Variants in XIRP2 observed in about 807,000 individuals in gnomAD.
The protein encoded by XIRP2 is xin actin binding repeat containing 2.
A neutral mutation model predicts 277.0 loss-of-function variants in XIRP2; 236 were observed. The observed-to-expected ratio is 0.85, with a 90% CI of 0.77 to 0.95. The LOEUF is 0.95. Among genes scored for constraint, XIRP2 ranks in the 40% least tolerant of loss-of-function variants. XIRP2 has a pLI of 0.00. For synonymous variants in XIRP2, 1,490 were observed against 1,416.5 expected (o/e 1.05, Z -1.17); for missense variants, 4,640 against 4,157.5 (o/e 1.12, Z -3.19).
rs570767401 is a variant in XIRP2 at position 167,003,600 on chromosome 2, A to G, written c.408+99710A>G. On this transcript the variant is annotated intron_variant, in intron 2 of 10. Transcript: ENST00000409195. ...GCATGTAACTCAGTATGGTTGGGGT[A>G]TTTATTATGAGTGAAAATATTTTTG... 3.3e-4 allele frequency among the ~76,000 whole-genome samples: 50 copies of G among 151,984 alleles called. 2 individuals are homozygous for G. The highest frequency in any genetic ancestry group is 6.8e-3 in the Middle Eastern group (2 of 294).
intron 2 of XIRP2, among the ~76,000 whole-genome samples, chr2:166,950,050 G>A (rs1685986739): frequency 6.6e-6 from 1 of 151,980 alleles, no homozygotes; most frequent in Non-Finnish European, 1.5e-5. Context: ...TATGTCATCA[G>A]TATAAATAGT....
chr2:166,970,524 G>C (rs1193363748), intron 2 of XIRP2, among the ~76,000 whole-genome samples: 1 of 151,932 alleles, frequency 6.6e-6, no homozygotes, highest in African/African-American at 2.4e-5. Flanking sequence ...AGAATGGACA[G>C]TGTATCTGAT....
chr2:167,107,409 G>A (rs1343137381), intron 2 of XIRP2, among the ~76,000 whole-genome samples: 1 of 151,552 alleles, frequency 6.6e-6, no homozygotes, highest in Non-Finnish European at 1.5e-5. Flanking sequence ...TTTTAATCAT[G>A]GATTAGTGCT....
chr2:166,939,316 G>C (rs1685622049), intron 2 of XIRP2, among the ~76,000 whole-genome samples: 1 of 152,068 alleles, frequency 6.6e-6, no homozygotes, highest in Non-Finnish European at 1.5e-5. Flanking sequence ...GCATTTGCTT[G>C]TCTGTAAAGT....
chr2:167,090,945 C>T (rs1451811595), intron 2 of XIRP2, among the ~76,000 whole-genome samples: 1 of 152,030 alleles, frequency 6.6e-6, no homozygotes, highest in Non-Finnish European at 1.5e-5. Flanking sequence ...TTGGTGAGGA[C>T]AAACAGACCA....
chr2:167,258,930 C>G lies in XIRP2; in HGVS notation c.*1113C>G. The G allele has an allele frequency of 6.2e-7, 1 of 1,613,110 alleles. No homozygotes were observed. The highest frequency in any genetic ancestry group is 8.5e-7 in the Non-Finnish European group (1 of 1,179,584). On this transcript the variant is annotated 3_prime_UTR_variant, in exon 11 of 11. Transcript: ENST00000409195. ...GCAGCTGCTGGCAGTCCTGTGCAGC[C>G]TGCTCCAAAACCAAGCCTCAGCAGA...
chr2:167,185,922 A>G (rs1693140963), intron 3 of XIRP2, among the ~76,000 whole-genome samples: 2 of 152,188 alleles, frequency 1.3e-5, no homozygotes, highest in South Asian at 4.1e-4. Context: ...TAGACAACTT[A>G]TGAAACTTGC....
At chr2:167,212,924 C>A (rs1355236610) in intron 4 of XIRP2, among the ~76,000 whole-genome samples, 1 of 130,280 alleles carries the variant, frequency 7.7e-6, no homozygotes, top group Non-Finnish European at 1.6e-5. Context: ...CACACACACA[C>A]ACACACACCA....
Position 167,246,860 on chromosome 2 carries a change from AG to A in XIRP2, c.5469del (p.Glu1823AspfsTer15), listed in dbSNP as rs1175719718. ...AACACAGTTAAGGTTTTTATGACCG[AG>A]CCTCAGAGTACATTTGGTAAGATAC... ...VHNTVKVFMT[E>X]PQSTFGKIPK... On this transcript the variant is annotated frameshift_variant, in exon 9 of 11. Transcript: ENST00000409195. LOFTEE classifies it high-confidence loss of function. The A allele has an allele frequency of 4.3e-6, 7 of 1,613,880 alleles. No homozygotes were observed. In the East Asian group the frequency reaches 1.6e-4, roughly 36 times the overall value.
At chr2:167,214,243 AGGAAGGAAGGAAGGAAAG>A (rs1427385010) in intron 4 of XIRP2, among the ~76,000 whole-genome samples, 15 of 99,226 alleles carry the variant, frequency 1.5e-4, no homozygotes, top group Non-Finnish European at 2.9e-4. Flanking sequence ...GAAGGAAGGA[AGGAAGGAAGGAAGGAAAG>A]AGAGAGAGAG....
chr2:166,939,679 C>CAAAAAAAAAAAAAAAAAAAAAAAAAA (rs138977006), intron 2 of XIRP2, among the ~76,000 whole-genome samples: 8 of 90,628 alleles, frequency 8.8e-5, no homozygotes, highest in African/African-American at 2.0e-4. Context: ...GACTCCATCA[C>CAAAAAAAAAAAAAAAAAAAAAAAAAA]AAAAAAAAAA....
intron 2 of XIRP2, among the ~76,000 whole-genome samples, chr2:167,018,587 A>C (rs1430391272): frequency 6.6e-6 from 1 of 151,992 alleles, no homozygotes; most frequent in African/African-American, 2.4e-5. Context: ...GACATAGAAG[A>C]GTCCCACATC....
At chr2:167,078,663 T>G (rs930834190) in intron 2 of XIRP2, among the ~76,000 whole-genome samples, 1 of 151,842 alleles carries the variant, frequency 6.6e-6, no homozygotes, top group East Asian at 1.9e-4. Context: ...GGTGAAACCC[T>G]GTCTCTACTA....
At position 167,243,793 on chromosome 2, in the gene XIRP2, G is replaced by A. The variant is rs771816932; in HGVS notation, c.2401G>A (p.Val801Ile). ...VVRGISMEEN[V>I]KGGVSKAKWL... is the part of the protein sequence containing the mutation. ...CCGAGGAATATCCATGGAAGAAAATGTCAAAGGTGGGGTGAGTAAGGCAAA... is the reference window on the plus strand; with the variant it reads ...CCGAGGAATATCCATGGAAGAAAATATCAAAGGTGGGGTGAGTAAGGCAAA... Residue 801 changes from valine (V) to isoleucine (I), a missense_variant, in exon 9 of 11, where the codon GTC (valine) becomes ATC (isoleucine). Transcript: ENST00000409195. 2.5e-6 allele frequency: 4 copies of A among 1,613,952 alleles called. No individual in the cohort carries two copies. The highest frequency in any genetic ancestry group is 3.4e-6 in the Non-Finnish European group (4 of 1,179,976).
chr2:167,214,437 G>A (rs967835555), intron 4 of XIRP2, among the ~76,000 whole-genome samples: 24 of 145,688 alleles, frequency 1.6e-4, no homozygotes, highest in Non-Finnish European at 3.0e-4. Context: ...AGATCGTGCT[G>A]CTGCACTCCA....
intron 4 of XIRP2, among the ~76,000 whole-genome samples, chr2:167,213,167 C>T (rs1451958601): frequency 6.6e-6 from 1 of 152,052 alleles, no homozygotes; most frequent in African/African-American, 2.4e-5. Flanking sequence ...TCTATAGAAG[C>T]CCCCTAAAAG....
intron 2 of XIRP2, among the ~76,000 whole-genome samples, chr2:166,945,579 G>A (rs947746648): frequency 2.0e-5 from 3 of 151,454 alleles, no homozygotes; most frequent in Non-Finnish European, 2.9e-5. Context: ...AATAGATTTG[G>A]TATAAGAGGA....
chr2:167,079,909 A>AT (rs1689681918), intron 2 of XIRP2, among the ~76,000 whole-genome samples: 1 of 148,512 alleles, frequency 6.7e-6, no homozygotes, highest in Non-Finnish European at 1.5e-5. Flanking sequence ...TTTGGTTTTC[A>AT]TTTTTGTTTT....
At chr2:167,236,403 C>G (rs1306706458) in intron 5 of XIRP2, among the ~76,000 whole-genome samples, 1 of 151,940 alleles carries the variant, frequency 6.6e-6, no homozygotes, top group Non-Finnish European at 1.5e-5. Flanking sequence ...GGAGAAATCT[C>G]CTTAGAAGAT....
Sources: allele counts gnomAD v4.1 joint callset (sites outside exome capture counted in the v4.1 genomes callset), GRCh38; gene constraint gnomAD v4.1.1; transcripts MANE v1.5; gene names NCBI Gene and HGNC (gene_info 2026-07-23, HGNC 2026-07-21).